HERC1: variants seen among roughly 807,000 people sequenced by gnomAD.
The protein encoded by HERC1 is probable E3 ubiquitin-protein ligase HERC1.
In HERC1, 160 loss-of-function variants were observed where a neutral mutation model predicts 554.3. The observed-to-expected ratio is 0.29, with a 90% CI of 0.25 to 0.33. The LOEUF is 0.33. Ranked by LOEUF, HERC1 falls within the 10% of genes least tolerant of loss-of-function variation. The pLI is 1.00. For missense variants in HERC1, 4,919 were observed against 5,918.5 expected (o/e 0.83, Z 5.54); for synonymous variants, 2,175 against 2,131.7 (o/e 1.02, Z -0.56).
At chr15:63,682,454 A>G (rs1057309143) in intron 34 of HERC1, among the ~76,000 whole-genome samples, 2 of 152,036 alleles carry the variant, frequency 1.3e-5, no homozygotes, top group East Asian at 3.9e-4. Context: ...CTCCAGTGGG[A>G]GGGGAAAGGG....
intron 13 of HERC1, among the ~76,000 whole-genome samples, chr15:63,733,447 G>A (rs1017668692): frequency 1.3e-5 from 2 of 152,164 alleles, no homozygotes; most frequent in African/African-American, 4.8e-5. Flanking sequence ...AATGCCAATA[G>A]ATAAATAATA....
chr15:63,792,059 G>C (rs2076669503), intron 1 of HERC1, among the ~76,000 whole-genome samples: 1 of 152,064 alleles, frequency 6.6e-6, no homozygotes, highest in Non-Finnish European at 1.5e-5. Flanking sequence ...GTACATAGTA[G>C]GTTCACTGAT....
chr15:63,801,962 C>A (rs1398375427), intron 1 of HERC1, among the ~76,000 whole-genome samples: 1 of 152,190 alleles, frequency 6.6e-6, no homozygotes, highest in Non-Finnish European at 1.5e-5. Context: ...AAAGGAATCT[C>A]TAACACATCA....
chr15:63,749,468 A>G lies in HERC1; in HGVS notation c.2118T>C (p.Ile706=), dbSNP rs768335260. The change falls in exon 10 of 78, where the codon ATT becomes ATC. Residue 706 remains isoleucine (I), a synonymous_variant. Coordinates refer to ENST00000443617, the MANE Select transcript of HERC1 (RefSeq NM_003922.4). This position sits in a 1 kb window ranked among gnomAD's most constrained non-coding sequence, Gnocchi z 4.1. The part of the protein sequence containing the change: ...QCGQGNSTGP[I]TKPKKVSGLD... ...AGCCACTCACTTTCTTTGGTTTAGTAATAGGACCTGTGGAATTTCCCTGAC... is the reference window on the plus strand; with the variant it reads ...AGCCACTCACTTTCTTTGGTTTAGTGATAGGACCTGTGGAATTTCCCTGAC... 4 of 1,613,782 alleles carry G rather than the reference A, an allele frequency of 2.5e-6. No individual in the cohort carries two copies. The highest frequency in any genetic ancestry group is 3.4e-6 in the Non-Finnish European group (4 of 1,179,714).
At chr15:63,628,485 C>T (rs1336120813) in intron 70 of HERC1, among the ~76,000 whole-genome samples, 192 bp downstream of exon 70, 1 of 152,200 alleles carries the variant, frequency 6.6e-6, no homozygotes, top group Non-Finnish European at 1.5e-5. Context: ...GTGGTTCATA[C>T]TGATGTCAGC....
At chr15:63,751,912 T>C (rs2075262390) in intron 8 of HERC1, among the ~76,000 whole-genome samples, 1 of 151,986 alleles carries the variant, frequency 6.6e-6, no homozygotes, top group Non-Finnish European at 1.5e-5. Context: ...AACTCTCAAT[T>C]CTAATGATTA....
chr15:63,831,139 C>A (rs2078138756), intron 1 of HERC1, among the ~76,000 whole-genome samples: 1 of 152,196 alleles, frequency 6.6e-6, no homozygotes, highest in Non-Finnish European at 1.5e-5. Flanking sequence ...TAGAGTCTCA[C>A]TGTGTCTCCC....
At position 63,780,766 on chromosome 15, in the gene HERC1, C is replaced by T. The variant is rs139886399; in HGVS notation, c.-26-5117G>A. Among the ~76,000 whole-genome samples the T allele has an allele frequency of 7.4e-3, 1,124 of 151,746 alleles. 14 individuals carry two copies. Among genetic ancestry groups the T allele is most frequent in the African/African-American group, 0.026 (1,081 of 41,416 alleles). ...AGAGACTAAAGGTTAGCTGTAAGAC[C>T]GAGCACAGCTACTACATCAACATCT... On this transcript the variant is annotated intron_variant, in intron 1 of 77. Coordinates refer to ENST00000443617, the MANE Select transcript of HERC1 (RefSeq NM_003922.4).
intron 32 of HERC1, 132 bp downstream of exon 32, chr15:63,690,409 C>T (rs914140377): frequency 3.5e-6 from 2 of 575,610 alleles, no homozygotes; most frequent in Non-Finnish European, 6.0e-6. Flanking sequence ...ATAAAGAAAG[C>T]AGTCCTAAAA....
At chr15:63,630,405 A>C (rs760450885) in intron 69 of HERC1, 61 bp downstream of exon 69, 126 of 1,517,100 alleles carry the variant, frequency 8.3e-5, no homozygotes, top group Non-Finnish European at 1.1e-4. Flanking sequence ...TCTTTCCCCA[A>C]CTGAGGAACA....
At chr15:63,832,270 C>T (rs2078182539) in intron 1 of HERC1, among the ~76,000 whole-genome samples, 1 of 150,810 alleles carries the variant, frequency 6.6e-6, no homozygotes, top group Non-Finnish European at 1.5e-5. Context: ...GTGCAGAATA[C>T]GTGTGTGTGT....
intron 48 of HERC1, 63 bp from the exon 49 acceptor site, chr15:63,656,421 C>T (rs981195829): frequency 2.3e-5 from 32 of 1,382,118 alleles, no homozygotes; most frequent in Non-Finnish European, 3.1e-5. Flanking sequence ...GGACCATTTG[C>T]AGTCCCACAT....
intron 11 of HERC1, 136 bp from the exon 12 acceptor site, chr15:63,747,219 G>A (rs2075086606): frequency 1.4e-6 from 1 of 692,270 alleles, no homozygotes; most frequent in Non-Finnish European, 2.4e-6. Flanking sequence ...CAGCACTTTG[G>A]GAGGCGGAGG....
chr15:63,659,159 A>G (rs1397820212), intron 47 of HERC1, among the ~76,000 whole-genome samples: 1 of 152,214 alleles, frequency 6.6e-6, no homozygotes, highest in Non-Finnish European at 1.5e-5. Flanking sequence ...AGTTGGTTAC[A>G]GGATTCTCTT....
chr15:63,757,130 GA>G (rs111531959), intron 4 of HERC1, among the ~76,000 whole-genome samples: 2 of 143,222 alleles, frequency 1.4e-5, no homozygotes, highest in African/African-American at 2.6e-5. Context: ...AAACCTATTT[GA>G]AAAAAAAATA....
chr15:63,617,594 A>G (rs1398096185), intron 74 of HERC1, among the ~76,000 whole-genome samples: 1 of 152,228 alleles, frequency 6.6e-6, no homozygotes, highest in Admixed American at 6.5e-5. Flanking sequence ...ACTGACTTCC[A>G]CAATGGTTGA....
At chr15:63,610,188 C>T (rs2067525554) in intron 77 of HERC1, among the ~76,000 whole-genome samples, 1 of 151,962 alleles carries the variant, frequency 6.6e-6, no homozygotes, top group African/African-American at 2.4e-5. Flanking sequence ...GAAATCAGCC[C>T]TCCTCCCCAG....
chr15:63,816,345 T>C (rs1057345580), intron 1 of HERC1, among the ~76,000 whole-genome samples: 2 of 152,240 alleles, frequency 1.3e-5, no homozygotes, highest in Non-Finnish European at 2.9e-5. Flanking sequence ...GAAATGCTGC[T>C]GCTCCAGTTC....
intron 24 of HERC1, among the ~76,000 whole-genome samples, chr15:63,711,575 T>C (rs920263390): frequency 6.6e-6 from 1 of 152,230 alleles, no homozygotes; most frequent in Admixed American, 6.5e-5. Context: ...TGGAAGCTTT[T>C]TTAAAACAAT....
Sources: gnomAD v4.1 joint callset for allele counts (sites outside exome capture counted in the v4.1 genomes callset) on GRCh38, gnomAD v4.1.1 for gene constraint, Gnocchi (gnomAD v3.1) non-coding constraint, MANE v1.5 for transcripts, NCBI Gene and HGNC (gene_info 2026-07-23, HGNC 2026-07-21) for gene names.